The following GLIS3 variants were observed in gnomAD, a reference collection of about 807,000 sequenced individuals.
GLIS3 encodes the protein zinc finger protein GLIS3.
A neutral mutation model predicts 78.6 loss-of-function variants in GLIS3; 53 were observed. That is an observed-to-expected ratio of 0.67 (90% CI 0.54 to 0.85). GLIS3 has a LOEUF of 0.85. GLIS3 is among the 40% of genes least tolerant of loss of function. The probability of loss-of-function intolerance (pLI) is 0.00; values close to 1 mark genes in which losing one functional copy is unlikely to be tolerated. For synonymous variants in GLIS3, 684 were observed against 509.9 expected, an observed-to-expected ratio of 1.34 and a Z score of -4.60; for missense variants, 1,703 against 1,231.1, an observed-to-expected ratio of 1.38 and a Z score of -5.74.
chr9:3,883,979 G>C (rs1006725595), intron 7 of GLIS3, among the ~76,000 whole-genome samples: 8 of 152,220 alleles, frequency 5.3e-5, no homozygotes, highest in Non-Finnish European at 7.3e-5. Flanking sequence ...GCTCACTGCA[G>C]TCTCTCATCC....
At chr9:4,220,259 T>C (rs1821204365) in intron 2 of GLIS3, among the ~76,000 whole-genome samples, 1 of 152,146 alleles carries the variant, frequency 6.6e-6, no homozygotes, top group Non-Finnish European at 1.5e-5. Flanking sequence ...AATGATGGAG[T>C]TAGAAAATGA....
the GLIS3 span, among the ~76,000 whole-genome samples, chr9:4,387,430 C>T: frequency 1.5e-4 from 23 of 152,224 alleles, no homozygotes; most frequent in Middle Eastern, 3.4e-3. Flanking sequence ...TCATAGGTTA[C>T]GGTGTCCTCA....
rs547971101 is a variant in GLIS3 at position 4,254,090 on chromosome 9, T to A, written c.388+31948A>T. On this transcript the variant is annotated intron_variant, in intron 2 of 10. Transcript: ENST00000381971. ...TCGAGGAAGAGAATTTAATGATGACTGGTTAACCAGACAGATTTCCTAAAA... is the reference window on the plus strand; with the variant it reads ...TCGAGGAAGAGAATTTAATGATGACAGGTTAACCAGACAGATTTCCTAAAA... Among the ~76,000 whole-genome samples, 103 of 152,344 alleles carry A rather than the reference T, an allele frequency of 6.8e-4. 1 individual carries two copies. Among genetic ancestry groups the A allele is most frequent in the Admixed American group, 2.1e-3 (32 of 15,300 alleles).
chr9:4,085,007 TA>T (rs34573737), intron 4 of GLIS3, among the ~76,000 whole-genome samples: 60,958 of 150,612 alleles, frequency 0.4, 12,259 homozygotes, highest in Admixed American at 0.44. Context: ...TTGGGAGGAA[TA>T]AAAAAAAGCA....
intron 2 of GLIS3, among the ~76,000 whole-genome samples, chr9:4,210,754 G>A (rs1051104703): frequency 7.9e-5 from 12 of 152,342 alleles, no homozygotes; most frequent in African/African-American, 2.4e-4. Context: ...TGTACGCTTC[G>A]ATGCAGCTTC....
At position 4,227,140 on chromosome 9, in the gene GLIS3, C is replaced by G. The variant is rs1009469894; in HGVS notation, c.388+58898G>C. Among the ~76,000 whole-genome samples, 9 of 152,012 alleles carry G rather than the reference C, an allele frequency of 5.9e-5. 1 individual carries two copies. The highest frequency in any genetic ancestry group is 1.3e-4 in the Non-Finnish European group (9 of 68,006). ...CGGGCACAGAAGGAGGCACTGGAGC[C>G]TCAGGTCTTGCTGCAGCAACTGGCA... On this transcript the variant is annotated intron_variant, in intron 2 of 10. Coordinates refer to ENST00000381971, the MANE Select transcript of GLIS3 (RefSeq NM_001042413.2).
At chr9:3,993,708 A>G (rs893202129) in intron 4 of GLIS3, among the ~76,000 whole-genome samples, 3 of 152,194 alleles carry the variant, frequency 2.0e-5, no homozygotes, top group Non-Finnish European at 2.9e-5. Context: ...TCATTACTAA[A>G]TATTATTAAA....
intron 4 of GLIS3, among the ~76,000 whole-genome samples, chr9:3,980,460 A>C (rs930493458): frequency 6.6e-6 from 1 of 152,122 alleles, no homozygotes; most frequent in African/African-American, 2.4e-5. Context: ...CAGGCTGCCA[A>C]GTCATTTTAA....
At chr9:4,329,866 G>A (rs1287262755) in intron 2 of GLIS3, among the ~76,000 whole-genome samples, 3 of 152,174 alleles carry the variant, frequency 2.0e-5, no homozygotes, top group South Asian at 2.1e-4. Flanking sequence ...GACTGAAACA[G>A]TTCCTGCCCT....
In GLIS3 at chr9:3,829,428, C is replaced by T. The variant is rs144648063; in HGVS notation, c.2538G>A (p.Pro846=). The T allele has an allele frequency of 7.1e-5, 115 of 1,614,102 alleles. No individual in the cohort carries two copies. The highest frequency in any genetic ancestry group is 1.6e-4 in the Middle Eastern group (1 of 6,062). Residue 846 remains proline, a synonymous_variant, in exon 10 of 11, where the codon CCG becomes CCA. Coordinates refer to ENST00000381971, the MANE Select transcript of GLIS3 (RefSeq NM_001042413.2). The part of the protein sequence containing the change: ...PHYPDSQRIV[P]PVSSCSVVPS... ...GCACCACACTGCAGGAGCTGACAGG[C>T]GGCACAATTCTCTGGGAATCGGGGT...
rs561340791 is a variant in GLIS3, at chr9:4,164,635, C to A, written c.389-38694G>T. Among the ~76,000 whole-genome samples the A allele has an allele frequency of 2.0e-5, 3 of 152,204 alleles. No homozygotes were observed. In the East Asian group the frequency reaches 5.8e-4, roughly 29 times the overall value. ...TGACATCTTAACCATGGCTTTTATC[C>A]CTCCAAAGGAAAGGCTGCTTAGAGG... is the stretch of plus-strand genomic sequence containing the variant. On this transcript the variant is annotated intron_variant, in intron 2 of 10. Coordinates refer to ENST00000381971, the MANE Select transcript of GLIS3 (RefSeq NM_001042413.2).
At chr9:4,179,311 T>C (rs767334229) in intron 2 of GLIS3, among the ~76,000 whole-genome samples, 11 of 152,218 alleles carry the variant, frequency 7.2e-5, no homozygotes, top group Admixed American at 2.6e-4. Flanking sequence ...GAGACATGCA[T>C]GCATTTTCTT....
intron 6 of GLIS3, among the ~76,000 whole-genome samples, chr9:3,904,970 A>G (rs1300092650): frequency 2.0e-5 from 3 of 148,612 alleles, no homozygotes; most frequent in South Asian, 2.1e-4. Flanking sequence ...TCTTCCTCTT[A>G]TGACTCTTTT....
intron 4 of GLIS3, among the ~76,000 whole-genome samples, chr9:4,067,622 C>T (rs1827210165): frequency 6.6e-6 from 1 of 152,030 alleles, no homozygotes; most frequent in African/African-American, 2.4e-5. Flanking sequence ...TTCAAGCGGC[C>T]ACTTTATGTA....
chr9:4,132,438 A>C lies in GLIS3; in HGVS notation c.389-6497T>G, dbSNP rs181347140. ...GATTATGTCACAATTATCACTACTG[A>C]GGCTGCATCATTCAGAACTATTTAT... On this transcript the variant is annotated intron_variant, in intron 2 of 10. Coordinates refer to ENST00000381971, the MANE Select transcript of GLIS3 (RefSeq NM_001042413.2). Among the ~76,000 whole-genome samples the C allele has an allele frequency of 2.2e-4, 33 of 152,350 alleles. No individual in the cohort carries two copies. In the East Asian group the frequency reaches 6.2e-3, roughly 28 times the overall value.
At chr9:4,349,125 G>A (rs766322780), upstream of GLIS3, among the ~76,000 whole-genome samples, 1 of 152,190 alleles carries the variant, frequency 6.6e-6, no homozygotes, top group African/African-American at 2.4e-5. Flanking sequence ...AACATCAGTT[G>A]ATCCCTCAAC....
intron 6 of GLIS3, among the ~76,000 whole-genome samples, chr9:3,903,033 G>A (rs1489468478): frequency 6.6e-6 from 1 of 152,142 alleles, no homozygotes; most frequent in Non-Finnish European, 1.5e-5. Flanking sequence ...CTTATGCAGG[G>A]ATGAATATGT....
the GLIS3 span, among the ~76,000 whole-genome samples, chr9:4,489,040 T>C: frequency 0.15 from 22,866 of 152,000 alleles, 2,501 homozygotes; most frequent in East Asian, 0.51. Flanking sequence ...CTAATTTTTT[T>C]GTATTTTTAG....
In GLIS3 at chr9:3,977,815, A is replaced by C. The variant is rs899233282; in HGVS notation, c.1711-40626T>G. On this transcript the variant is annotated intron_variant, in intron 4 of 10. Coordinates refer to ENST00000381971, the MANE Select transcript of GLIS3 (RefSeq NM_001042413.2). The surrounding 1 kb of genome is among the most constrained non-coding windows in gnomAD (Gnocchi z 4.1). ...TATTCTTAATTGAATTGAACCAGGA[A>C]CACTAGCAGTCATCACCATTTCTAC... Among the ~76,000 whole-genome samples, 7 of 152,336 alleles carry C rather than the reference A, an allele frequency of 4.6e-5. No homozygotes were observed. The Middle Eastern group carries it at 0.014, about 296-fold the overall frequency.
Sources: allele counts gnomAD v4.1 joint callset (sites outside exome capture counted in the v4.1 genomes callset), GRCh38; gene constraint gnomAD v4.1.1; non-coding constraint Gnocchi (gnomAD v3.1); transcripts MANE v1.5; gene names NCBI Gene and HGNC (gene_info 2026-07-23, HGNC 2026-07-21).